DTNA: variants seen among roughly 807,000 people sequenced by gnomAD.
DTNA encodes the protein dystrobrevin alpha.
DTNA carries 43 observed loss-of-function variants against 100.7 expected under a neutral mutation model. The ratio of observed to expected loss-of-function variants is 0.43; its 90% CI spans 0.33 to 0.55. DTNA has a LOEUF of 0.55. DTNA is among the 20% of genes least tolerant of loss of function. The pLI is 0.04. For synonymous variants in DTNA, 349 were observed against 347.9 expected (o/e 1.00, Z -0.04); for missense variants, 798 against 953.9 (o/e 0.84, Z 2.15).
intron 1 of DTNA, among the ~76,000 whole-genome samples, chr18:34,534,779 G>T (rs1369358264): frequency 3.3e-5 from 5 of 152,054 alleles, no homozygotes; most frequent in Non-Finnish European, 5.9e-5. Flanking sequence ...TGCTGAGAAT[G>T]ATGGTTTCCA....
At chr18:34,640,950 TG>T (rs1290570473) in intron 1 of DTNA, among the ~76,000 whole-genome samples, 1 of 152,146 alleles carries the variant, frequency 6.6e-6, no homozygotes, top group Non-Finnish European at 1.5e-5. Flanking sequence ...TTTGCTTTTT[TG>T]GGAGGGGAAG....
At chr18:34,579,689 T>A (rs753085782) in intron 1 of DTNA, among the ~76,000 whole-genome samples, 8 of 152,216 alleles carry the variant, frequency 5.3e-5, no homozygotes, top group Non-Finnish European at 8.8e-5. Context: ...TTCCTCTGGC[T>A]GCTTTTAAGA....
intron 1 of DTNA, among the ~76,000 whole-genome samples, chr18:34,591,228 A>G (rs890124224): frequency 2.6e-5 from 4 of 152,204 alleles, no homozygotes. Context: ...CATAAGATGT[A>G]TAATGATTTT....
intron 1 of DTNA, among the ~76,000 whole-genome samples, chr18:34,635,447 TAACA>T (rs929398487): frequency 6.6e-6 from 1 of 152,226 alleles, no homozygotes; most frequent in Non-Finnish European, 1.5e-5. Flanking sequence ...CTGTTTTTCA[TAACA>T]GCTGTACTAG....
At position 34,888,698 on chromosome 18, in the gene DTNA, TA is replaced by T; in HGVS notation, c.*967del. The stretch of plus-strand genomic sequence containing the variant: ...GGTGCCATAAGATCCCCAAACGGAC[TA>T]AAGTTATCTCTGCTCTTCCATGGTC... On this transcript the variant is annotated 3_prime_UTR_variant, in exon 23 of 23. Coordinates refer to ENST00000444659, the MANE Select transcript of DTNA (RefSeq NM_001386795.1). The T allele has an allele frequency of 1.0e-6, 1 of 985,878 alleles. No individual in the cohort carries two copies. Among genetic ancestry groups the T allele is most frequent in the Non-Finnish European group, 1.2e-6 (1 of 829,940 alleles). The allele number at this position is 985,878 out of a possible 1,614,324, so 61.1% of individuals were successfully genotyped here.
chr18:34,762,338 A>G (rs1035912976), intron 2 of DTNA, among the ~76,000 whole-genome samples: 2 of 152,122 alleles, frequency 1.3e-5, no homozygotes, highest in Non-Finnish European at 2.9e-5. Flanking sequence ...AGTTAGGTAG[A>G]TTTATGGGGG....
At chr18:34,671,875 T>A (rs80132317) in intron 1 of DTNA, among the ~76,000 whole-genome samples, 2,933 of 152,282 alleles carry the variant, frequency 0.019, 50 homozygotes, top group Non-Finnish European at 0.029. Flanking sequence ...AACAAATGAA[T>A]GCATGGAAAT....
intron 1 of DTNA, among the ~76,000 whole-genome samples, chr18:34,660,400 G>T (rs2075020335): frequency 6.6e-6 from 1 of 151,144 alleles, no homozygotes; most frequent in Non-Finnish European, 1.5e-5. Context: ...ATTCCAGCCT[G>T]ATCTAGTATA....
chr18:34,875,426 C>A, intron 18 of DTNA, 28 bp downstream of exon 18: 1 of 1,613,884 alleles, frequency 6.2e-7, no homozygotes, highest in South Asian at 1.1e-5. Flanking sequence ...TTGTTGTGGT[C>A]TGCTTTTATG....
chr18:34,635,157 T>C (rs1436155308), intron 1 of DTNA, among the ~76,000 whole-genome samples: 1 of 152,194 alleles, frequency 6.6e-6, no homozygotes, highest in Non-Finnish European at 1.5e-5. Context: ...CTTAGTATAA[T>C]GTCCCTCAGG....
At chr18:34,494,261 TC>T (rs1442475263) in intron 1 of DTNA, among the ~76,000 whole-genome samples, 3 of 151,550 alleles carry the variant, frequency 2.0e-5, no homozygotes, top group African/African-American at 7.3e-5. Context: ...GACTGGGACA[TC>T]CGCGTTGGGT....
At chr18:34,632,878 A>G (rs188677953) in intron 1 of DTNA, among the ~76,000 whole-genome samples, 1 of 152,180 alleles carries the variant, frequency 6.6e-6, no homozygotes, top group African/African-American at 2.4e-5. Context: ...CTAAATTAAG[A>G]GTTAGTATAT....
chr18:34,700,981 G>C (rs73416456), intron 1 of DTNA, among the ~76,000 whole-genome samples: 1 of 152,030 alleles, frequency 6.6e-6, no homozygotes, highest in Non-Finnish European at 1.5e-5. Context: ...CATACACTCT[G>C]TATCCTATCT....
At chr18:34,734,908 A>G (rs2089210188) in intron 1 of DTNA, among the ~76,000 whole-genome samples, 1 of 152,156 alleles carries the variant, frequency 6.6e-6, no homozygotes, top group Admixed American at 6.5e-5. Flanking sequence ...TGGTCTAATC[A>G]TATTAAGCAG....
At chr18:34,716,169 A>G (rs1344326881) in intron 1 of DTNA, among the ~76,000 whole-genome samples, 2 of 152,226 alleles carry the variant, frequency 1.3e-5, no homozygotes, top group African/African-American at 2.4e-5. Flanking sequence ...ACGTATTTAC[A>G]TAGTTTTTCG....
intron 1 of DTNA, among the ~76,000 whole-genome samples, chr18:34,610,005 CA>C (rs1354857652): frequency 6.6e-6 from 1 of 151,276 alleles, no homozygotes; most frequent in Non-Finnish European, 1.5e-5. Flanking sequence ...ATCCTCCCTC[CA>C]TTTTTGCCGA....
chr18:34,762,239 G>A (rs777633645), intron 2 of DTNA, among the ~76,000 whole-genome samples: 12 of 152,152 alleles, frequency 7.9e-5, no homozygotes, highest in Non-Finnish European at 1.5e-4. Context: ...AATACCATCT[G>A]ATAAAAATTA....
At chr18:34,879,870 A>C (rs2096855064) in intron 20 of DTNA, 151 bp downstream of exon 20, 1 of 1,039,268 alleles carries the variant, frequency 9.6e-7, no homozygotes, top group Non-Finnish European at 1.4e-6. Context: ...GAAGGGTGCT[A>C]CATTTAAATT....
chr18:34,550,816 T>C (rs1165337107), intron 1 of DTNA, among the ~76,000 whole-genome samples: 2 of 152,182 alleles, frequency 1.3e-5, no homozygotes, highest in East Asian at 3.9e-4. Context: ...CAAAAATGTC[T>C]TTAAAAGATT....
Sources: allele counts gnomAD v4.1 joint callset (sites outside exome capture counted in the v4.1 genomes callset), GRCh38; gene constraint gnomAD v4.1.1; transcripts MANE v1.5; gene names NCBI Gene and HGNC (gene_info 2026-07-23, HGNC 2026-07-21).